Variants in SRM observed in about 807,000 individuals in gnomAD.
SRM encodes putrescine aminopropyltransferase.
SRM carries 14 observed loss-of-function variants against 39.3 expected under a neutral mutation model. The observed-to-expected ratio is 0.36, with a 90% CI of 0.24 to 0.56. The LOEUF is 0.56. SRM is among the 20% of genes least tolerant of loss of function. The pLI, the probability that SRM is intolerant of heterozygous loss-of-function variation, is 0.86. For synonymous variants in SRM, 195 were observed against 173.1 expected (o/e 1.13, Z -0.99); for missense variants, 244 against 409.2 (o/e 0.60, Z 3.48).
Position 11,059,216 on chromosome 1 carries a change from C to A in SRM, c.288+9G>T, listed in dbSNP as rs916338805. 2 of 1,613,308 alleles carry A rather than the reference C, an allele frequency of 1.2e-6. No homozygotes were observed. The highest frequency in any genetic ancestry group is 2.7e-5 in the African/African-American group (2 of 74,954). On this transcript the variant is annotated intron_variant, in intron 2 of 7. Transcript: ENST00000376957. ...TCGTCCGGCACTGTTCCAGGGGACACTGGGGTACCTTTCGCGGGTTGGGGT... is the reference window on the plus strand; with the variant it reads ...TCGTCCGGCACTGTTCCAGGGGACAATGGGGTACCTTTCGCGGGTTGGGGT...
At chr1:11,059,179 T>C (rs777384165) in intron 2 of SRM, 46 bp downstream of exon 2, 7 of 1,611,720 alleles carry the variant, frequency 4.3e-6, no homozygotes, top group East Asian at 4.5e-5. Flanking sequence ...GGAGCACACC[T>C]GGGGCCGCCC....
chr1:11,059,000 A>T, intron 2 of SRM, 108 bp from the exon 3 acceptor site: 1 of 1,290,812 alleles, frequency 7.7e-7, no homozygotes, highest in Non-Finnish European at 1.1e-6. Context: ...ATCTTTTTCT[A>T]CCCTCGGAAA....
rs534816910 is a variant in SRM at position 11,056,224 on chromosome 1, C to T, written c.536-130G>A. ...GTCTGTGGGGGATCCACACCTGAAT[C>T]CCATTCTTGGGGGAGTCTCATTGGC... On this transcript the variant is annotated intron_variant, in intron 4 of 7. Transcript: ENST00000376957. 3 of 866,024 alleles carry T rather than the reference C, an allele frequency of 3.5e-6. No individual in the cohort carries two copies. In the South Asian group the frequency reaches 5.4e-5, roughly 16 times the overall value. 53.6% of individuals were successfully genotyped at this position (866,024 alleles called of 1,614,324 possible).
At chr1:11,055,752 A>ACC in intron 6 of SRM, 29 bp downstream of exon 6, 54 of 1,465,840 alleles carry the variant, frequency 3.7e-5, no homozygotes, top group Non-Finnish European at 4.6e-5. Flanking sequence ...CTTCCCCCCA[A>ACC]CCCCCACCCC....
chr1:11,059,449 C>T (rs758779240), intron 1 of SRM, 104 bp from the exon 2 acceptor site: 1 of 1,549,578 alleles, frequency 6.5e-7, no homozygotes, highest in Admixed American at 1.8e-5. Flanking sequence ...CCTAGGGGTC[C>T]CAGGGATGAG....
At chr1:11,059,645 AGGG>A in intron 1 of SRM, 129 bp downstream of exon 1, 1 of 1,109,298 alleles carries the variant, frequency 9.0e-7, no homozygotes, top group Admixed American at 2.9e-5. Flanking sequence ...AGGCGGTGTG[AGGG>A]GTGGCGAGGG....
chr1:11,055,968 G>GCC, intron 5 of SRM, 42 bp from the exon 6 acceptor site: 8 of 1,585,294 alleles, frequency 5.0e-6, no homozygotes, highest in Non-Finnish European at 6.9e-6. Context: ...GGCCTGCCCT[G>GCC]CCCCACCCCG....
At position 11,055,384 on chromosome 1, in the gene SRM, C is replaced by T. The variant is rs548428908; in HGVS notation, c.766-300G>A. ...TTGGTCTCCCAAAATGCTGGAATTACAGGCATGAGACACCGCACCTGGCCT... is the reference window on the plus strand; with the variant it reads ...TTGGTCTCCCAAAATGCTGGAATTATAGGCATGAGACACCGCACCTGGCCT... On this transcript the variant is annotated intron_variant, in intron 6 of 7. Transcript: ENST00000376957. Among the ~76,000 whole-genome samples the T allele has an allele frequency of 3.7e-3, 565 of 150,806 alleles. 4 individuals are homozygous for T. The highest frequency in any genetic ancestry group is 0.013 in the African/African-American group (533 of 41,022).
chr1:11,054,976 CGGG>C lies in SRM; in HGVS notation c.871_873del (p.Pro291del). The C allele has an allele frequency of 6.2e-7, 1 of 1,612,532 alleles. No individual in the cohort carries two copies. The highest frequency in any genetic ancestry group is 1.7e-5 in the Admixed American group (1 of 59,986). On this transcript the variant is annotated inframe_deletion, in exon 7 of 8. Coordinates refer to ENST00000376957, the MANE Select transcript of SRM (RefSeq NM_003132.3). The surrounding 1 kb of genome is among the most constrained non-coding windows in gnomAD (Gnocchi z 4.8). ...AGGCCACCCACCTTGCGGGCAAACT[CGGG>C]CAGCACAAAGGCGGCGCGGTGCACG...
chr1:11,057,299 T>G (rs1295075187), intron 3 of SRM, among the ~76,000 whole-genome samples: 1 of 151,638 alleles, frequency 6.6e-6, no homozygotes, highest in South Asian at 2.1e-4. Flanking sequence ...TCGCCCCATC[T>G]GAGTGGCTTT....
In SRM at chr1:11,059,797, C is replaced by T. The variant is rs749517440; in HGVS notation, c.147G>A (p.Gln49=). The T allele has an allele frequency of 3.2e-6, 5 of 1,575,398 alleles. No individual in the cohort carries two copies. In the African/African-American group the frequency reaches 4.2e-5, roughly 13 times the overall value. ...QLLHHRRSRY[Q]DILVFRSKTY... ...GGTACCTGCGGAAGACGAGGATGTC[C>T]TGGTAGCGCGAGCGCCGGTGGTGGA... The change falls in exon 1 of 8, where the codon CAG becomes CAA. Residue 49 remains glutamine (Q), a synonymous_variant. Coordinates refer to ENST00000376957, the MANE Select transcript of SRM (RefSeq NM_003132.3).
intron 5 of SRM, 30 bp downstream of exon 5, chr1:11,055,981 C>G (rs774632502): frequency 1.1e-5 from 17 of 1,597,862 alleles, no homozygotes; most frequent in Non-Finnish European, 1.5e-5. Flanking sequence ...CCACCCCGCC[C>G]CGCCCCAGTG....
Position 11,056,014 on chromosome 1 carries a change from G to A in SRM, c.616C>T (p.Gln206Ter). ...ALKEDGVLCC[Q>*]GECQWLHLDL... is the part of the protein sequence containing the mutation. ...GTGCTCCAGGCCTGTGGCTCACCCTGGCAGCAGAGGACACCATCTTCCTTG... is the reference window on the plus strand; with the variant it reads ...GTGCTCCAGGCCTGTGGCTCACCCTAGCAGCAGAGGACACCATCTTCCTTG... The change falls in exon 5 of 8, where the codon CAG becomes TAG. Residue 206 changes from glutamine to a stop codon, truncating the protein, a stop_gained. Transcript: ENST00000376957. LOFTEE classifies it high-confidence loss of function. 1 of 1,611,624 alleles carries A rather than the reference G, an allele frequency of 6.2e-7. No individual in the cohort carries two copies. The highest frequency in any genetic ancestry group is 1.1e-5 in the South Asian group (1 of 90,726).
chr1:11,055,118 C>T, intron 6 of SRM, 34 bp from the exon 7 acceptor site: 2 of 1,508,550 alleles, frequency 1.3e-6, no homozygotes, highest in Non-Finnish European at 1.8e-6. Context: ...TCAGGGGGGG[C>T]ACTTTTTTTT....
At position 11,058,916 on chromosome 1, in the gene SRM, C is replaced by A. The variant is rs915982720; in HGVS notation, c.289-24G>T. The A allele has an allele frequency of 3.2e-6, 5 of 1,587,266 alleles. No individual in the cohort carries two copies. The African/African-American group carries it at 4.0e-5, about 13-fold the overall frequency. On this transcript the variant is annotated intron_variant, in intron 2 of 7. Coordinates refer to ENST00000376957, the MANE Select transcript of SRM (RefSeq NM_003132.3). ...ACCTGGGAGGAGGGGGCAGTCAAGG[C>A]AGGGGCCCTGGCAGGACTGGGAGCC...
At chr1:11,059,636 G>A in intron 1 of SRM, 141 bp downstream of exon 1, 2 of 1,076,438 alleles carry the variant, frequency 1.9e-6, no homozygotes, top group Non-Finnish European at 2.6e-6. Flanking sequence ...AGCCCAGGGA[G>A]GCGGTGTGAG....
Position 11,055,885 on chromosome 1 carries a change from G to A in SRM, c.661C>T (p.Arg221Trp), listed in dbSNP as rs775399258. 12 of 1,610,578 alleles carry A rather than the reference G, an allele frequency of 7.5e-6. No individual in the cohort carries two copies. The highest frequency in any genetic ancestry group is 4.0e-5 in the African/African-American group (3 of 74,850). Residue 221 changes from arginine (R) to tryptophan (W), a missense_variant, in exon 6 of 8, where the codon CGG (arginine) becomes TGG (tryptophan). Transcript: ENST00000376957. ...WLHLDLIKEMRQFCQSLFPVV... is the reference protein window; with the variant it reads ...WLHLDLIKEMWQFCQSLFPVV... ...GGGAACAGGGACTGGCAGAACTGCC[G>A]CATCTCCTTGATGAGGTCCAGGTGC... is the stretch of plus-strand genomic sequence containing the variant.
At chr1:11,056,194 C>T (rs1371943434) in intron 4 of SRM, 100 bp from the exon 5 acceptor site, 1 of 1,152,138 alleles carries the variant, frequency 8.7e-7, no homozygotes, top group East Asian at 2.6e-5. Context: ...AGGATCTGAA[C>T]CCAGGTCTGT....
intron 2 of SRM, 130 bp downstream of exon 2, chr1:11,059,095 C>T: frequency 6.6e-7 from 1 of 1,517,244 alleles, no homozygotes; most frequent in Non-Finnish European, 8.9e-7. Context: ...TCGGCCCCCA[C>T]CCCTCCGCGG....
Sources: allele counts gnomAD v4.1 joint callset (sites outside exome capture counted in the v4.1 genomes callset), GRCh38; gene constraint gnomAD v4.1.1; non-coding constraint Gnocchi (gnomAD v3.1); transcripts MANE v1.5; gene names NCBI Gene and HGNC (gene_info 2026-07-23, HGNC 2026-07-21).